The following HYDIN variants were observed in gnomAD, a reference collection of about 807,000 sequenced individuals.
HYDIN encodes the protein axonemal central pair apparatus protein HYDIN.
A neutral mutation model predicts 403.9 loss-of-function variants in HYDIN; 132 were observed. The observed-to-expected ratio is 0.33, with a 90% CI of 0.28 to 0.38. The LOEUF (loss-of-function observed/expected upper bound fraction) is 0.38, where lower values mean the gene tolerates loss of function less well. Among genes scored for constraint, HYDIN ranks in the 10% least tolerant of loss-of-function variants. The pLI is 1.00. For synonymous variants in HYDIN, 1,202 were observed against 1,891.7 expected (o/e 0.64, Z 9.46); for missense variants, 2,827 against 5,009.5 (o/e 0.56, Z 13.15).
At position 70,871,634 on chromosome 16, in the gene HYDIN, A is replaced by C. The variant is rs59857020; in HGVS notation, c.11091+403T>G. On this transcript the variant is annotated intron_variant, in intron 65 of 85. Coordinates refer to ENST00000393567, the MANE Select transcript of HYDIN (RefSeq NM_001270974.2). ...AGGATGGAGCTTGGAACATTTTCTA[A>C]ATCTCACTTGTCCACAGAACCCATC... Among the ~76,000 whole-genome samples the C allele has an allele frequency of 5.5e-3, 838 of 151,548 alleles. 7 individuals carry two copies. The highest frequency in any genetic ancestry group is 8.6e-3 in the Non-Finnish European group (582 of 67,896).
chr16:70,884,795 G>A (rs1425647793), intron 58 of HYDIN, among the ~76,000 whole-genome samples: 1 of 152,154 alleles, frequency 6.6e-6, no homozygotes, highest in African/African-American at 2.4e-5. Flanking sequence ...GTAGTTTTCC[G>A]GATGACCGTA....
rs751773296 is a variant in HYDIN, at chr16:70,959,668, T to C, written c.6121A>G (p.Ile2041Val). The change falls in exon 39 of 86, where the codon ATT (isoleucine) becomes GTT (valine). Residue 2041 changes from isoleucine (I) to valine (V), a missense_variant. Physicochemically the swap from Ile to Val is conservative, Grantham distance 29 (BLOSUM62 3). Transcript: ENST00000393567. ...CTACCTGACAAGGGTGTCCCATGAATGATAATGGCGATGCCTTTCCGGTTC... is the reference window on the plus strand; with the variant it reads ...CTACCTGACAAGGGTGTCCCATGAACGATAATGGCGATGCCTTTCCGGTTC... The part of the protein sequence containing the change: ...AKNRKGIAII[I>V]HGTPLSGKSA... 2.0e-5 allele frequency: 27 copies of C among 1,323,324 alleles called. 4 individuals carry two copies. The highest frequency in any genetic ancestry group is 2.9e-5 in the South Asian group (2 of 69,240). The allele number at this position is 1,323,324 out of a possible 1,614,324, so 82.0% of individuals were successfully genotyped here.
In HYDIN at chr16:70,837,918, G is replaced by A. The variant is rs74024467; in HGVS notation, c.13044-30C>T. The A allele has an allele frequency of 6.3e-3, 10,051 of 1,597,200 alleles. 563 individuals carry two copies. In the African/African-American group the frequency reaches 0.12, roughly 19 times the overall value. ...AGAAAATCAAGAGGAAGAGGCGTAA[G>A]CTCCAAGAAGTCTGACCCAGAGGGG... On this transcript the variant is annotated intron_variant, in intron 76 of 85. Transcript: ENST00000393567.
chr16:70,934,653 T>A, intron 45 of HYDIN, among the ~76,000 whole-genome samples: 1 of 151,410 alleles, frequency 6.6e-6, no homozygotes, highest in East Asian at 2.0e-4. Context: ...TGTTTTGTAC[T>A]AAGCTCAAGT....
chr16:70,996,382 G>A (rs959531596), intron 23 of HYDIN, among the ~76,000 whole-genome samples: 2 of 152,196 alleles, frequency 1.3e-5, no homozygotes, highest in Non-Finnish European at 2.9e-5. Context: ...AGCCACAGGA[G>A]TGGCTGTGCT....
chr16:70,802,985 A>G lies in HYDIN; in HGVS notation c.*4595T>C, dbSNP rs1477803512. The G allele has an allele frequency of 6.6e-6, 1 of 152,190 alleles. No homozygotes were observed. The highest frequency in any genetic ancestry group is 1.5e-5 in the Non-Finnish European group (1 of 68,030). The allele number at this position is 152,190 out of a possible 1,614,324, so 9.4% of individuals were successfully genotyped here. ...GATGGTTGATGAAAAACACTGAAAA[A>G]ATGTAAATCAATGGGAATGATTTGG... is the stretch of plus-strand genomic sequence containing the variant. On this transcript the variant is annotated 3_prime_UTR_variant, in exon 86 of 86. Coordinates refer to ENST00000393567, the MANE Select transcript of HYDIN (RefSeq NM_001270974.2).
rs1267000939 is a variant in HYDIN at position 71,124,247 on chromosome 16, C to T, written c.1227+5393G>A. On this transcript the variant is annotated intron_variant, in intron 9 of 85. Coordinates refer to ENST00000393567, the MANE Select transcript of HYDIN (RefSeq NM_001270974.2). Reference sequence around the variant, plus strand: ...AATGATGAGCATGATGAGAAGGTGACGGAAGGGACACAACCTGCGGCCACA... The same window carrying T: ...AATGATGAGCATGATGAGAAGGTGATGGAAGGGACACAACCTGCGGCCACA... Among the ~76,000 whole-genome samples the T allele has an allele frequency of 4.6e-5, 7 of 152,236 alleles. 1 individual carries two copies. The highest frequency in any genetic ancestry group is 7.2e-5 in the African/African-American group (3 of 41,554).
chr16:70,930,906 G>C (rs2077301315), intron 45 of HYDIN, among the ~76,000 whole-genome samples: 1 of 152,132 alleles, frequency 6.6e-6, no homozygotes, highest in South Asian at 2.1e-4. Flanking sequence ...TGAAGAGTCA[G>C]GAAACTGTGA....
At chr16:71,129,384 GAGA>G (rs2084612443) in intron 9 of HYDIN, among the ~76,000 whole-genome samples, 3 of 152,126 alleles carry the variant, frequency 2.0e-5, no homozygotes, top group Non-Finnish European at 4.4e-5. Context: ...ATATTCAAAT[GAGA>G]AGAACTGCAT....
chr16:70,875,385 T>C lies in HYDIN; in HGVS notation c.10558-466A>G, dbSNP rs911691182. Among the ~76,000 whole-genome samples, 12 of 152,100 alleles carry C rather than the reference T, an allele frequency of 7.9e-5. 1 individual carries two copies. The highest frequency in any genetic ancestry group is 1.0e-4 in the Non-Finnish European group (7 of 68,046). ...TGTCATGTTGAGCATCCTACCACGA[T>C]AAGAGAAAAAACAAGGTGGGCATTT... On this transcript the variant is annotated intron_variant, in intron 62 of 85. Coordinates refer to ENST00000393567, the MANE Select transcript of HYDIN (RefSeq NM_001270974.2).
chr16:71,018,841 C>T (rs1451441356), intron 22 of HYDIN, among the ~76,000 whole-genome samples: 6 of 143,500 alleles, frequency 4.2e-5, no homozygotes, highest in Admixed American at 2.3e-4. Context: ...AAATAAATTT[C>T]GTTGTGAAAT....
At chr16:71,016,057 A>G (rs368023789) in intron 23 of HYDIN, among the ~76,000 whole-genome samples, 1,782 of 151,730 alleles carry the variant, frequency 0.012, 14 homozygotes, top group African/African-American at 0.041. Flanking sequence ...GGTCCTACTC[A>G]GTCTGTGCTT....
chr16:70,942,244 C>A (rs1455875501), intron 42 of HYDIN, among the ~76,000 whole-genome samples: 1 of 150,998 alleles, frequency 6.6e-6, no homozygotes, highest in African/African-American at 2.4e-5. Context: ...AGATTAGTCT[C>A]GAACTCCTGA....
intron 19 of HYDIN, among the ~76,000 whole-genome samples, chr16:71,028,348 G>A (rs2080786372): frequency 6.6e-6 from 1 of 151,938 alleles, no homozygotes; most frequent in Non-Finnish European, 1.5e-5. Context: ...AGGCCAGGGG[G>A]ACTGCAATGG....
At chr16:71,012,442 C>T (rs1326828646) in intron 23 of HYDIN, among the ~76,000 whole-genome samples, 4 of 152,234 alleles carry the variant, frequency 2.6e-5, no homozygotes, top group Admixed American at 1.3e-4. Flanking sequence ...ACTTATTTAG[C>T]ATGCTTGTCC....
At chr16:71,084,406 A>T (rs1207692294) in intron 12 of HYDIN, among the ~76,000 whole-genome samples, 1 of 131,428 alleles carries the variant, frequency 7.6e-6, no homozygotes, top group Non-Finnish European at 1.6e-5. Context: ...TTTGTTTTTG[A>T]GACAGAGTCT....
intron 41 of HYDIN, among the ~76,000 whole-genome samples, chr16:70,944,166 C>A (rs1367356645): frequency 6.6e-6 from 1 of 152,216 alleles, no homozygotes; most frequent in African/African-American, 2.4e-5. Context: ...TGTTTGTGTA[C>A]TGAACTGCAC....
intron 18 of HYDIN, among the ~76,000 whole-genome samples, chr16:71,049,129 G>C (rs2081551270): frequency 6.6e-6 from 1 of 152,282 alleles, no homozygotes. Flanking sequence ...AGAAACAATA[G>C]AGAGGCCCGA....
intron 50 of HYDIN, among the ~76,000 whole-genome samples, chr16:70,905,632 TAAAAAAAAAAA>T (rs10718035): frequency 1.0e-5 from 1 of 99,550 alleles, no homozygotes; most frequent in African/African-American, 5.3e-5. Flanking sequence ...GACCCTATCT[TAAAAAAAAAAA>T]AAAAAAAAAA....
Sources: allele counts gnomAD v4.1 joint callset (sites outside exome capture counted in the v4.1 genomes callset), GRCh38; gene constraint gnomAD v4.1.1; transcripts MANE v1.5; gene names NCBI Gene and HGNC (gene_info 2026-07-23, HGNC 2026-07-21).